VSIG1: variants seen among roughly 807,000 people sequenced by gnomAD.
VSIG1 encodes the protein V-set and immunoglobulin domain-containing protein 1.
In VSIG1, 11 loss-of-function variants were observed where a neutral mutation model predicts 20.1. That is an observed-to-expected ratio of 0.55 (90% CI 0.34 to 0.91). The LOEUF (loss-of-function observed/expected upper bound fraction) is 0.91, where lower values mean the gene tolerates loss of function less well. Ranked by LOEUF, VSIG1 falls within the 40% of genes least tolerant of loss-of-function variation. VSIG1 has a pLI of 0.02. For missense variants in VSIG1, 283 were observed against 298.8 expected, an observed-to-expected ratio of 0.95 and a Z score of 0.39; for synonymous variants, 126 against 116.7, an observed-to-expected ratio of 1.08 and a Z score of -0.52.
chrX:108,030,594 G>A, the VSIG1 span, among the ~76,000 whole-genome samples: 11 of 112,271 alleles, frequency 9.8e-5, no homozygotes, highest in African/African-American at 3.6e-4. Context: ...ATGTGCATCA[G>A]GGAACATGCA....
At chrX:108,072,577 A>T (rs777443883) in intron 3 of VSIG1, 100 bp from the exon 4 acceptor site, 2 of 877,909 alleles carry the variant, frequency 2.3e-6, no homozygotes, top group South Asian at 5.3e-5. Context: ...AAAATAAATA[A>T]ACACACATAT....
rs1569287199 is a variant in VSIG1, at chrX:108,047,887, C to CACATATATATATATAT, written c.49+2711_49+2712insTATATATATATATACA. ...ATATATATACACATATATATATATA[C>CACATATATATATATAT]ACACATATATATATATACACATATA... On this transcript the variant is annotated intron_variant, in intron 1 of 6. Coordinates refer to ENST00000217957, the MANE Select transcript of VSIG1 (RefSeq NM_182607.5). 1.6e-4 allele frequency among the ~76,000 whole-genome samples: 4 copies of CACATATATATATATAT among 24,483 alleles called. 1 individual carries two copies. Among genetic ancestry groups the CACATATATATATATAT allele is most frequent in the Non-Finnish European group, 2.6e-4 (4 of 15,463 alleles). The allele number at this position is 24,483 out of a possible 115,157, so 21.3% of individuals were successfully genotyped here. A position where few individuals can be genotyped will look rare whatever the true frequency, so the allele number is the denominator to read the frequency against.
intron 1 of VSIG1, among the ~76,000 whole-genome samples, chrX:108,055,156 T>C (rs2030869582): frequency 1.8e-5 from 2 of 111,012 alleles, no homozygotes; most frequent in Admixed American, 1.9e-4. Context: ...ATTAAAAATA[T>C]AATGAGAGAA....
intron 1 of VSIG1, among the ~76,000 whole-genome samples, chrX:108,045,862 T>C (rs1223306423): frequency 8.9e-6 from 1 of 112,068 alleles, no homozygotes; most frequent in Admixed American, 9.5e-5. Context: ...TCTGTTCTTA[T>C]AAGTTAGGTC....
chrX:108,028,481 G>A, the VSIG1 span, among the ~76,000 whole-genome samples: 1 of 111,503 alleles, frequency 9.0e-6, no homozygotes, highest in Admixed American at 9.6e-5. Context: ...TCAAGGCAGA[G>A]GACCAGGGAA....
chrX:108,052,075 T>C (rs2030795367), intron 1 of VSIG1, among the ~76,000 whole-genome samples: 3 of 110,976 alleles, frequency 2.7e-5, no homozygotes, highest in Admixed American at 1.9e-4. Context: ...TGCAGCATGC[T>C]CACCATAGTT....
chrX:108,036,132 T>C, the VSIG1 span, among the ~76,000 whole-genome samples: 621 of 102,521 alleles, frequency 6.1e-3, 7 homozygotes, highest in African/African-American at 0.021. Flanking sequence ...TTTTGGTATC[T>C]GTGAAATGCT....
At chrX:108,059,751 C>CT (rs2030983179) in intron 2 of VSIG1, among the ~76,000 whole-genome samples, 1 of 112,331 alleles carries the variant, frequency 8.9e-6, no homozygotes, top group Non-Finnish European at 1.9e-5. Flanking sequence ...ACCTTTCTTC[C>CT]TTTTTGAAAT....
chrX:108,027,845 G>A, the VSIG1 span, among the ~76,000 whole-genome samples: 1 of 110,882 alleles, frequency 9.0e-6, no homozygotes, highest in Non-Finnish European at 1.9e-5. Context: ...TAAATGCGGC[G>A]ACAGCTACTG....
intron 1 of VSIG1, among the ~76,000 whole-genome samples, chrX:108,049,187 T>C (rs1275419799): frequency 8.9e-6 from 1 of 112,551 alleles, no homozygotes; most frequent in East Asian, 2.8e-4. Context: ...AAATTTGAAA[T>C]TACCATCCTA....
chrX:108,037,360 C>G, the VSIG1 span, among the ~76,000 whole-genome samples: 1 of 111,552 alleles, frequency 9.0e-6, no homozygotes, highest in Non-Finnish European at 1.9e-5. Flanking sequence ...CCCCATCTAC[C>G]CTGTTTCTGT....
chrX:108,047,973 T>TACACAC (rs1569287494), intron 1 of VSIG1, among the ~76,000 whole-genome samples: 1 of 59,667 alleles, frequency 1.7e-5, no homozygotes, highest in African/African-American at 7.4e-5. Context: ...TATATATATA[T>TACACAC]ATATATATAT....
chrX:108,035,945 C>G, the VSIG1 span, among the ~76,000 whole-genome samples: 1 of 106,244 alleles, frequency 9.4e-6, no homozygotes, highest in African/African-American at 3.5e-5. Context: ...AAGTCACTTA[C>G]CTCTCTGAAC....
chrX:108,057,939 G>T, intron 1 of VSIG1, 99 bp from the exon 2 acceptor site: 2 of 864,952 alleles, frequency 2.3e-6, no homozygotes, highest in South Asian at 3.3e-5. Flanking sequence ...CCTCACCTTG[G>T]ATTCCTCAAA....
At position 108,047,957 on chromosome X, in the gene VSIG1, C is replaced by CATATATATATATATAT. The variant is rs1569287407; in HGVS notation, c.49+2779_49+2780insTATATATATATATATA. ...ATACACATATATATATATATATACA[C>CATATATATATATATAT]ACACATATATATATATATATATATA... On this transcript the variant is annotated intron_variant, in intron 1 of 6. Transcript: ENST00000217957. 1.4e-3 allele frequency among the ~76,000 whole-genome samples: 36 copies of CATATATATATATATAT among 25,893 alleles called. 2 individuals carry two copies. The highest frequency in any genetic ancestry group is 5.4e-3 in the African/African-American group (20 of 3,685). The allele number at this position is 25,893 out of a possible 115,157, so 22.5% of individuals were successfully genotyped here.
chrX:108,061,733 A>T (rs1201009016), intron 2 of VSIG1, among the ~76,000 whole-genome samples: 3 of 110,066 alleles, frequency 2.7e-5, no homozygotes, highest in Admixed American at 9.6e-5. Flanking sequence ...CTCTTCCTAA[A>T]GGCTCAGGAC....
At chrX:108,019,303 G>C in the VSIG1 span, among the ~76,000 whole-genome samples, 1 of 112,295 alleles carries the variant, frequency 8.9e-6, no homozygotes, top group South Asian at 3.7e-4. Flanking sequence ...ACTGGGCTGT[G>C]TGACCTGCAG....
At chrX:108,060,406 C>T (rs2030996394) in intron 2 of VSIG1, among the ~76,000 whole-genome samples, 1 of 110,958 alleles carries the variant, frequency 9.0e-6, no homozygotes, top group Non-Finnish European at 1.9e-5. Flanking sequence ...GTTTTTATTG[C>T]TCCCACAGCT....
intron 1 of VSIG1, among the ~76,000 whole-genome samples, chrX:108,048,374 T>A (rs10218209): frequency 0.054 from 6,042 of 112,046 alleles, 138 homozygotes; most frequent in East Asian, 0.1. Context: ...AGCACTTTTT[T>A]AATTATTATT....
Sources: gnomAD v4.1 joint callset for allele counts (sites outside exome capture counted in the v4.1 genomes callset) on GRCh38, gnomAD v4.1.1 for gene constraint, MANE v1.5 for transcripts, NCBI Gene and HGNC (gene_info 2026-07-23, HGNC 2026-07-21) for gene names.